The following KAT14 variants were observed in gnomAD, a reference collection of about 807,000 sequenced individuals.
KAT14 encodes lysine acetyltransferase 14, also known as cysteine-rich protein 2-binding protein.
Under a neutral mutation model 78.4 loss-of-function variants are expected in KAT14, and 66 were observed. That is an observed-to-expected ratio of 0.84 (90% confidence interval 0.69 to 1.03). The LOEUF (loss-of-function observed/expected upper bound fraction) is 1.03. Ranked by LOEUF, KAT14 falls within the 50% of genes least tolerant of loss-of-function variation. The probability of loss-of-function intolerance (pLI) is 0.00; values close to 1 mark genes in which losing one functional copy is unlikely to be tolerated. For synonymous variants in KAT14, 344 were observed against 359.4 expected, an observed-to-expected ratio of 0.96 and a Z score of 0.48; for missense variants, 870 against 972.5, an observed-to-expected ratio of 0.89 and a Z score of 1.40.
intron 7 of KAT14, among the ~76,000 whole-genome samples, chr20:18,164,201 C>T (rs780700075): frequency 1.3e-5 from 2 of 152,174 alleles, no homozygotes; most frequent in Non-Finnish European, 2.9e-5. Flanking sequence ...AACTGGCCTG[C>T]CTACCAGGAG....
At position 18,162,034 on chromosome 20, in the gene KAT14, G is replaced by T; in HGVS notation, c.894G>T (p.Arg298Ser). 6.2e-7 allele frequency: 1 copy of T among 1,614,256 alleles called. No homozygotes were observed. Among genetic ancestry groups the T allele is most frequent in the South Asian group, 1.1e-5 (1 of 91,088 alleles). ...TPVKFISRGR[R>S]PDVILEKGEV... is the part of the protein sequence containing the mutation. ...TAAAATTCATAAGCCGAGGCCGCAG[G>T]CCAGATGTGATTCTGGAAAAAGGCG... Residue 298 changes from arginine (R) to serine (S), a missense_variant, in exon 6 of 11, where the codon AGG (arginine) becomes AGT (serine). By Grantham distance (110) the Arg-to-Ser change is moderately radical. Coordinates refer to ENST00000688188, the MANE Select transcript of KAT14 (RefSeq NM_001392073.1).
intron 7 of KAT14, among the ~76,000 whole-genome samples, chr20:18,168,628 T>G (rs1251838438): frequency 6.6e-6 from 1 of 152,204 alleles, no homozygotes; most frequent in East Asian, 1.9e-4. Context: ...GTTTTTTATC[T>G]TTAATTAGTG....
chr20:18,141,876 A>T (rs1220545253), intron 1 of KAT14, among the ~76,000 whole-genome samples: 1 of 151,732 alleles, frequency 6.6e-6, no homozygotes, highest in African/African-American at 2.4e-5. Context: ...ACAGAGCGAG[A>T]CTCTTGTCTC....
chr20:18,169,309 G>A (rs1298098451), intron 7 of KAT14, among the ~76,000 whole-genome samples: 1 of 152,014 alleles, frequency 6.6e-6, no homozygotes, highest in African/African-American at 2.4e-5. Context: ...ACTGCATTTT[G>A]TACAAATGGA....
chr20:18,143,622 TTTTTATTTTA>T (rs1450923278), intron 2 of KAT14, among the ~76,000 whole-genome samples: 3 of 126,014 alleles, frequency 2.4e-5, no homozygotes, highest in South Asian at 2.7e-4. Context: ...CTAATTTTTT[TTTTTATTTTA>T]TTTTTTTTTT....
In KAT14 at chr20:18,137,933, A is replaced by AGGCCGC. The variant is rs1382493432; in HGVS notation, c.-565_-560dup. On this transcript the variant is annotated 5_prime_UTR_variant, in exon 1 of 11. Coordinates refer to ENST00000688188, the MANE Select transcript of KAT14 (RefSeq NM_001392073.1). The stretch of plus-strand genomic sequence containing the variant: ...TGCGCCTCGGGCGGGCGGGAGAGAG[A>AGGCCGC]GGCCGCGGCCGCCAGCGTGGGGATG... The AGGCCGC allele has an allele frequency of 2.0e-6, 3 of 1,474,184 alleles. No individual in the cohort carries two copies. Among genetic ancestry groups the AGGCCGC allele is most frequent in the Admixed American group, 2.4e-5 (1 of 41,546 alleles). The allele number at this position is 1,474,184 out of a possible 1,614,324, so 91.3% of individuals were successfully genotyped here.
chr20:18,137,866 C>T lies in KAT14; in HGVS notation c.-639C>T. 1.5e-6 allele frequency: 2 copies of T among 1,318,674 alleles called. No homozygotes were observed. Among genetic ancestry groups the T allele is most frequent in the Non-Finnish European group, 2.0e-6 (2 of 1,015,258 alleles). 81.7% of individuals were successfully genotyped at this position (1,318,674 alleles called of 1,614,324 possible). A position where few individuals can be genotyped will look rare whatever the true frequency, so the allele number is the denominator to read the frequency against. ...GGGGCTCTGCGCTCGAGGGGTCGAG[C>T]CTGGGCAGTACAGGCGGCGGTGCGC... is the stretch of plus-strand genomic sequence containing the variant. On this transcript the variant is annotated 5_prime_UTR_variant, in exon 1 of 11. Transcript: ENST00000688188.
chr20:18,149,393 G>A (rs1205221), intron 3 of KAT14, among the ~76,000 whole-genome samples: 149,697 of 152,330 alleles, frequency 0.98, 73,559 homozygotes, highest in East Asian at 1. Flanking sequence ...TTAAAGGAAG[G>A]TGTTTGTTGG....
upstream of KAT14, chr20:18,137,772 TG>T: frequency 1.8e-6 from 1 of 547,800 alleles, no homozygotes; most frequent in Non-Finnish European, 2.9e-6. Context: ...TCGTAGAGCC[TG>T]GGCGCCGCTC....
At chr20:18,183,464 A>C in intron 9 of KAT14, 166 bp downstream of exon 9, 2 of 974,972 alleles carry the variant, frequency 2.1e-6, no homozygotes, top group Non-Finnish European at 2.4e-6. Context: ...TTGCTTTCCC[A>C]AAATCTAGAA....
At chr20:18,165,189 G>A (rs112112594) in intron 7 of KAT14, among the ~76,000 whole-genome samples, 11 of 151,502 alleles carry the variant, frequency 7.3e-5, no homozygotes, top group African/African-American at 2.4e-4. Context: ...CTTTTTAAAT[G>A]TGTATGTCTC....
At position 18,142,837 on chromosome 20, in the gene KAT14, C is replaced by T. The variant is rs751152779; in HGVS notation, c.177C>T (p.Leu59=). ...DLSHDQSGDS[L]NSDEGDVSWM... Reference sequence around the variant, plus strand: ...CGCACGACCAGAGTGGGGATTCCCTCAACAGTGATGAAGGAGACGTGTCTT... The same window carrying T: ...CGCACGACCAGAGTGGGGATTCCCTTAACAGTGATGAAGGAGACGTGTCTT... The change falls in exon 2 of 11, where the codon CTC becomes CTT. Residue 59 remains leucine, a synonymous_variant. Transcript: ENST00000688188. 1.2e-6 allele frequency: 2 copies of T among 1,614,156 alleles called. No individual in the cohort carries two copies. The highest frequency in any genetic ancestry group is 1.7e-6 in the Non-Finnish European group (2 of 1,180,038).
intron 1 of KAT14, among the ~76,000 whole-genome samples, chr20:18,139,274 C>T (rs966846806): frequency 6.6e-6 from 1 of 152,150 alleles, no homozygotes; most frequent in Non-Finnish European, 1.5e-5. Flanking sequence ...AGAAGACTTC[C>T]GCCTCTTACA....
Position 18,142,282 on chromosome 20 carries a change from A to C in KAT14, c.-379A>C, listed in dbSNP as rs1044071452. ...AAGAAAACATTCGTCTTTTGGGAGA[A>C]CAGATTATTTTGACTGAGCAACTTG... On this transcript the variant is annotated 5_prime_UTR_variant, in exon 2 of 11. Coordinates refer to ENST00000688188, the MANE Select transcript of KAT14 (RefSeq NM_001392073.1). 36 of 1,537,216 alleles carry C rather than the reference A, an allele frequency of 2.3e-5. No homozygotes were observed. Among genetic ancestry groups the C allele is most frequent in the Non-Finnish European group, 3.0e-5 (34 of 1,146,900 alleles).
At chr20:18,174,894 A>G (rs1310680735) in intron 7 of KAT14, among the ~76,000 whole-genome samples, 2 of 151,678 alleles carry the variant, frequency 1.3e-5, no homozygotes, top group Admixed American at 6.6e-5. Context: ...CGAACTCCTG[A>G]CCTCAGGTGA....
At chr20:18,181,685 T>C (rs746257086) in intron 7 of KAT14, 25 bp from the exon 8 acceptor site, 1 of 1,613,762 alleles carries the variant, frequency 6.2e-7, no homozygotes, top group East Asian at 2.2e-5. Context: ...ATTATTTCTA[T>C]ATAACCAGTG....
At chr20:18,184,307 A>G (rs919505440) in intron 9 of KAT14, among the ~76,000 whole-genome samples, 2 of 152,210 alleles carry the variant, frequency 1.3e-5, no homozygotes, top group Non-Finnish European at 2.9e-5. Context: ...CAAGCCACAC[A>G]TGGTAGAGGA....
intron 1 of KAT14, among the ~76,000 whole-genome samples, chr20:18,138,801 G>C (rs2037405671): frequency 6.6e-6 from 1 of 152,096 alleles, no homozygotes; most frequent in South Asian, 2.1e-4. Context: ...CAAGTTGACA[G>C]ACCTTTAATG....
At chr20:18,151,592 TG>T (rs2038045150) in intron 4 of KAT14, among the ~76,000 whole-genome samples, 1 of 152,160 alleles carries the variant, frequency 6.6e-6, no homozygotes, top group Non-Finnish European at 1.5e-5. Flanking sequence ...TCCAAAGTGC[TG>T]GGATTATGGT....
Sources: gnomAD v4.1 joint callset for allele counts (sites outside exome capture counted in the v4.1 genomes callset) on GRCh38, gnomAD v4.1.1 for gene constraint, MANE v1.5 for transcripts, NCBI Gene and HGNC (gene_info 2026-07-23, HGNC 2026-07-21) for gene names.